The following XPO7 variants were observed in gnomAD, a reference collection of about 807,000 sequenced individuals.
The protein encoded by XPO7 is exportin-7.
In XPO7, 21 loss-of-function variants were observed where a neutral mutation model predicts 144.3. The ratio of observed to expected loss-of-function variants is 0.15; its 90% CI spans 0.10 to 0.21. The LOEUF is 0.21. Among genes scored for constraint, XPO7 ranks in the 10% least tolerant of loss-of-function variants. The pLI is 1.00. For synonymous variants in XPO7, 580 were observed against 499.6 expected (o/e 1.16, Z -2.15); for missense variants, 808 against 1,325.8 (o/e 0.61, Z 6.06).
chr8:21,941,304 C>T (rs1810983159), intron 1 of XPO7, among the ~76,000 whole-genome samples: 1 of 151,876 alleles, frequency 6.6e-6, no homozygotes, highest in African/African-American at 2.4e-5. Flanking sequence ...CAGGCGGGTG[C>T]CACCTGACTA....
At chr8:21,954,717 A>G (rs941770394) in intron 1 of XPO7, among the ~76,000 whole-genome samples, 24 of 152,316 alleles carry the variant, frequency 1.6e-4, no homozygotes, top group African/African-American at 5.8e-4. Flanking sequence ...AGCTTACATG[A>G]GAACTCAAAA....
intron 17 of XPO7, 60 bp downstream of exon 17, chr8:21,990,467 C>A: frequency 6.3e-7 from 1 of 1,576,942 alleles, no homozygotes; most frequent in Non-Finnish European, 8.7e-7. Context: ...ACTTTCTCGA[C>A]ACATAAAGGA....
At chr8:21,926,886 C>A (rs1337442556) in intron 1 of XPO7, among the ~76,000 whole-genome samples, 1 of 152,114 alleles carries the variant, frequency 6.6e-6, no homozygotes. Context: ...ATCTAAGGAT[C>A]CCTGCGAGGT....
chr8:21,981,640 C>T (rs1050874385), intron 9 of XPO7, 91 bp from the exon 10 acceptor site: 8 of 1,493,050 alleles, frequency 5.4e-6, no homozygotes, highest in Admixed American at 1.8e-5. Flanking sequence ...GTAGATTCTA[C>T]CCCTTCCCCC....
At chr8:21,923,879 C>G (rs576881393) in intron 1 of XPO7, among the ~76,000 whole-genome samples, 3 of 152,214 alleles carry the variant, frequency 2.0e-5, no homozygotes, top group Non-Finnish European at 4.4e-5. Context: ...GGTACAACTA[C>G]TGAGGCTACT....
rs1811847876 is a variant in XPO7, at chr8:21,965,316, T to C, written c.19-1541T>C. ...AGTACTGGCAAGCATAAAAATGGCTTTTGCATGTATTTTATGGAATGTATG... is the reference window on the plus strand; with the variant it reads ...AGTACTGGCAAGCATAAAAATGGCTCTTGCATGTATTTTATGGAATGTATG... On this transcript the variant is annotated intron_variant, in intron 1 of 27. Transcript: ENST00000252512. Among the ~76,000 whole-genome samples the C allele has an allele frequency of 2.6e-5, 4 of 152,238 alleles. No individual in the cohort carries two copies. In the South Asian group the frequency reaches 8.3e-4, roughly 32 times the overall value.
At chr8:21,939,157 A>G (rs1040242470) in intron 1 of XPO7, among the ~76,000 whole-genome samples, 19 of 151,356 alleles carry the variant, frequency 1.3e-4, no homozygotes, top group African/African-American at 4.6e-4. Context: ...AAATAGGTGT[A>G]CGCTTTGCCT....
At chr8:21,981,702 A>G (rs371146858) in intron 9 of XPO7, 29 bp from the exon 10 acceptor site, 16 of 1,611,592 alleles carry the variant, frequency 9.9e-6, no homozygotes, top group Non-Finnish European at 1.3e-5. Flanking sequence ...CACATTTTAC[A>G]TTTTATTTTT....
chr8:21,959,572 A>G (rs1317443027), intron 1 of XPO7, among the ~76,000 whole-genome samples: 2 of 152,190 alleles, frequency 1.3e-5, no homozygotes, highest in Admixed American at 6.5e-5. Context: ...GTTTGTGGGT[A>G]AAGATCCTAC....
chr8:22,002,905 G>A (rs1813201154), intron 25 of XPO7: 2 of 216,878 alleles, frequency 9.2e-6, no homozygotes, highest in African/African-American at 2.3e-5. Context: ...AAGGGATCAT[G>A]CAAGGTGGTT....
chr8:21,942,335 T>A (rs889746888), intron 1 of XPO7, among the ~76,000 whole-genome samples: 10 of 152,220 alleles, frequency 6.6e-5, no homozygotes, highest in African/African-American at 2.4e-4. Flanking sequence ...CTGTAGAAAT[T>A]AAAACAATTT....
At chr8:21,949,969 C>G (rs1490417098) in intron 1 of XPO7, among the ~76,000 whole-genome samples, 1 of 152,218 alleles carries the variant, frequency 6.6e-6, no homozygotes, top group African/African-American at 2.4e-5. Context: ...AGGTGATCTG[C>G]CTGCCTTGGC....
At chr8:21,969,818 C>G in intron 3 of XPO7, 1 of 550,822 alleles carries the variant, frequency 1.8e-6, no homozygotes, top group South Asian at 2.4e-5. Context: ...TTCATCTTTT[C>G]TTTACTGCCA....
chr8:21,957,539 A>G (rs181749846), intron 1 of XPO7, among the ~76,000 whole-genome samples: 46 of 152,194 alleles, frequency 3.0e-4, no homozygotes, highest in Non-Finnish European at 5.9e-5. Context: ...TGTCTTCCCT[A>G]TCTATCCTTG....
intron 1 of XPO7, among the ~76,000 whole-genome samples, chr8:21,933,560 G>A (rs1810724628): frequency 6.6e-6 from 1 of 152,068 alleles, no homozygotes; most frequent in African/African-American, 2.4e-5. Flanking sequence ...ATATTACCCT[G>A]ACTCTTGTTT....
intron 1 of XPO7, among the ~76,000 whole-genome samples, chr8:21,923,901 A>G (rs1448997703): frequency 6.6e-6 from 1 of 152,256 alleles, no homozygotes; most frequent in Non-Finnish European, 1.5e-5. Context: ...TGCCCACTTC[A>G]GTATGTGCAA....
Position 22,005,213 on chromosome 8 carries a change from C to CA in XPO7, c.*128dup. 1 of 694,186 alleles carries CA rather than the reference C, an allele frequency of 1.4e-6. No individual in the cohort carries two copies. Among genetic ancestry groups the CA allele is most frequent in the Non-Finnish European group, 2.3e-6 (1 of 432,652 alleles). The allele number at this position is 694,186 out of a possible 1,614,324, so 43.0% of individuals were successfully genotyped here. A position where few individuals can be genotyped will look rare whatever the true frequency, so the allele number is the denominator to read the frequency against. On this transcript the variant is annotated 3_prime_UTR_variant, in exon 28 of 28. Transcript: ENST00000252512. ...TTCTCCAGGGGTGTGGGGAAAATGG[C>CA]AAAGGTCAACTAGCTGCTTCCCCAG...
chr8:21,980,882 A>G (rs1812387125), intron 9 of XPO7, among the ~76,000 whole-genome samples: 1 of 152,132 alleles, frequency 6.6e-6, no homozygotes, highest in East Asian at 1.9e-4. Flanking sequence ...GGGAAGGAAG[A>G]TACTTCTTTC....
chr8:21,963,265 TG>T (rs927152807), intron 1 of XPO7, among the ~76,000 whole-genome samples: 5 of 152,228 alleles, frequency 3.3e-5, no homozygotes, highest in Middle Eastern at 3.2e-3. Flanking sequence ...CGGATCTGAC[TG>T]GTCACCCAAG....
Sources: gnomAD v4.1 joint callset for allele counts (sites outside exome capture counted in the v4.1 genomes callset) on GRCh38, gnomAD v4.1.1 for gene constraint, MANE v1.5 for transcripts, NCBI Gene and HGNC (gene_info 2026-07-23, HGNC 2026-07-21) for gene names.